The following PAK6 variants were observed in gnomAD, a reference collection of about 807,000 sequenced individuals.
PAK6 encodes p21 (RAC1) activated kinase 6, also known as serine/threonine-protein kinase PAK 6.
A neutral mutation model predicts 60.8 loss-of-function variants in PAK6; 33 were observed. That is an observed-to-expected ratio of 0.54 (90% CI 0.41 to 0.73). The LOEUF (loss-of-function observed/expected upper bound fraction) is 0.73, where lower values mean the gene tolerates loss of function less well. Ranked by LOEUF, PAK6 falls within the 30% of genes least tolerant of loss-of-function variation. The pLI is 0.00. For missense variants in PAK6, 845 were observed against 904.1 expected (o/e 0.93, Z 0.84); for synonymous variants, 404 against 378.5 (o/e 1.07, Z -0.78).
chr15:40,275,202 TC>T (rs2039413805), intron 10 of PAK6, among the ~76,000 whole-genome samples: 1 of 151,932 alleles, frequency 6.6e-6, no homozygotes, highest in African/African-American at 2.4e-5. Context: ...AAAGAAATCT[TC>T]CTTTTCAGGT....
At chr15:40,264,458 T>C (rs1566852199) in intron 3 of PAK6, 1 of 501,134 alleles carries the variant, frequency 2.0e-6, no homozygotes, top group African/African-American at 1.9e-5. Context: ...GGAATGATAC[T>C]TGTAATGGGC....
chr15:40,264,435 G>A (rs745796287), intron 3 of PAK6: 10 of 477,122 alleles, frequency 2.1e-5, no homozygotes, highest in Non-Finnish European at 3.3e-5. Flanking sequence ...TTTAAAATTC[G>A]TTGACAGACA....
intron 2 of PAK6, chr15:40,245,465 C>G (rs2038473116): frequency 6.6e-6 from 1 of 152,238 alleles, no homozygotes; most frequent in African/African-American, 2.4e-5. Context: ...CCTCCATTTT[C>G]TTTCTTTCAG....
exon 4 of PAK6, chr15:40,264,946 T>C: frequency 6.2e-7 from 1 of 1,613,686 alleles, no homozygotes; most frequent in Non-Finnish European, 8.5e-7. Flanking sequence ...AAGCCCGTGG[T>C]GGACCCTTCG....
chr15:40,267,548 A>G (rs1192491298), intron 5 of PAK6, among the ~76,000 whole-genome samples: 1 of 152,078 alleles, frequency 6.6e-6, no homozygotes, highest in African/African-American at 2.4e-5. Flanking sequence ...AGTCCAAGCT[A>G]CTCAGGAGGC....
At chr15:40,258,942 C>A in intron 3 of PAK6, 1 of 152,562 alleles carries the variant, frequency 6.6e-6, no homozygotes, top group Non-Finnish European at 1.5e-5. Context: ...GCCTCCCTCC[C>A]CTGTGTTAAG....
intron 3 of PAK6, among the ~76,000 whole-genome samples, chr15:40,263,567 G>A (rs77359952): frequency 0.052 from 7,955 of 152,224 alleles, 834 homozygotes; most frequent in East Asian, 0.49. Flanking sequence ...CTTAGGCAAA[G>A]CCAGAATCAG....
chr15:40,265,912 T>C (rs1426833506), exon 5 of PAK6: 2 of 1,593,986 alleles, frequency 1.3e-6, no homozygotes, highest in African/African-American at 1.3e-5. Context: ...ATCCAGAAGT[T>C]GTCAGTCATC....
Position 40,267,712 on chromosome 15 carries a change from G to A in PAK6, c.858+1217G>A, listed in dbSNP as rs2039185210. On this transcript the variant is annotated intron_variant, in intron 5 of 10. Coordinates refer to ENST00000560346, the Ensembl canonical transcript of PAK6. ...CTTTGTGCACTCTAGTCCCCTACTA[G>A]GTTAAAGGACAGTGGGTTGGGATCC... 2.6e-5 allele frequency among the ~76,000 whole-genome samples: 4 copies of A among 152,332 alleles called. No individual in the cohort carries two copies. In the South Asian group the frequency reaches 6.2e-4, roughly 24 times the overall value.
At chr15:40,274,061 C>G (rs540561428) in intron 9 of PAK6, 81 bp from the exon 10 acceptor site, 1 of 1,534,134 alleles carries the variant, frequency 6.5e-7, no homozygotes, top group African/African-American at 1.4e-5. Flanking sequence ...GCTGTCCCCC[C>G]TCCACCACTG....
At chr15:40,276,546 A>G (rs2039460041) in exon 11 of PAK6, 3 of 157,886 alleles carry the variant, frequency 1.9e-5, no homozygotes, top group Admixed American at 6.4e-5. Flanking sequence ...GGTGGTTTTT[A>G]TGACCGGAAT....
chr15:40,248,428 A>G (rs2038557555), intron 2 of PAK6, among the ~76,000 whole-genome samples: 1 of 152,174 alleles, frequency 6.6e-6, no homozygotes, highest in East Asian at 1.9e-4. Context: ...CGACCCCTCT[A>G]GGAGCCCCAG....
At chr15:40,276,789 T>TGTGTGTGTG (rs67205800) in exon 11 of PAK6, 1 of 146,162 alleles carries the variant, frequency 6.8e-6, no homozygotes, top group African/African-American at 2.6e-5. Context: ...TGTGTGTGTG[T>TGTGTGTGTG]AAGGGGAGGA....
At chr15:40,242,097 G>A (rs1438828664) in intron 2 of PAK6, among the ~76,000 whole-genome samples, 1 of 152,186 alleles carries the variant, frequency 6.6e-6, no homozygotes, top group East Asian at 1.9e-4. Context: ...CAGCAGGTTG[G>A]GCCAGGAGGG....
intron 3 of PAK6, among the ~76,000 whole-genome samples, chr15:40,256,683 C>T (rs769836441): frequency 2.8e-4 from 43 of 152,198 alleles, no homozygotes; most frequent in Non-Finnish European, 4.9e-4. Context: ...GGGTCAGACT[C>T]GTGTCTGCCC....
At chr15:40,273,669 C>T in exon 9 of PAK6, 1 of 1,613,888 alleles carries the variant, frequency 6.2e-7, no homozygotes, top group South Asian at 1.1e-5. Context: ...TCTTTGTATG[C>T]CACTGAGGTA....
intron 10 of PAK6, among the ~76,000 whole-genome samples, chr15:40,274,956 A>C (rs1308991896): frequency 6.6e-6 from 1 of 152,202 alleles, no homozygotes; most frequent in Non-Finnish European, 1.5e-5. Flanking sequence ...CAAAAAAACA[A>C]GAGTTCTGTG....
chr15:40,240,606 C>T (rs1335371526), exon 2 of PAK6: 17 of 427,790 alleles, frequency 4.0e-5, no homozygotes, highest in East Asian at 7.6e-5. Flanking sequence ...AAGGGAGTGC[C>T]GCTTCCTGGG....
rs777623400 is a variant in PAK6 at position 40,275,917 on chromosome 15, G to GC, written c.1879-8dup. ...AATTGTGGCTTCATCTTACTGCCCT[G>GC]CCTCTACAGGTCTCCCCAGTGCTGC... On this transcript the variant is annotated splice_polypyrimidine_tract_variant and intron_variant, in intron 10 of 10. Transcript: ENST00000560346. The GC allele has an allele frequency of 3.1e-6, 5 of 1,604,528 alleles. No individual in the cohort carries two copies. The South Asian group carries it at 5.5e-5, about 18-fold the overall frequency.
Sources: gnomAD v4.1 joint callset for allele counts (sites outside exome capture counted in the v4.1 genomes callset) on GRCh38, gnomAD v4.1.1 for gene constraint, MANE v1.5 for transcripts, NCBI Gene and HGNC (gene_info 2026-07-23, HGNC 2026-07-21) for gene names.